CASZ1: variants seen among roughly 807,000 people sequenced by gnomAD.
CASZ1 encodes zinc finger protein castor homolog 1.
A neutral mutation model predicts 135.2 loss-of-function variants in CASZ1; 28 were observed. The ratio of observed to expected loss-of-function variants is 0.21; its 90% CI spans 0.15 to 0.28. The LOEUF (loss-of-function observed/expected upper bound fraction) is 0.28. CASZ1 is among the 10% of genes least tolerant of loss of function. The pLI, the probability that CASZ1 is intolerant of heterozygous loss-of-function variation, is 1.00. For missense variants in CASZ1, 2,161 were observed against 2,453.3 expected, an observed-to-expected ratio of 0.88 and a Z score of 2.52; for synonymous variants, 1,068 against 1,073.4, an observed-to-expected ratio of 0.99 and a Z score of 0.10.
chr1:10,674,602 G>A (rs1265369219), intron 4 of CASZ1, among the ~76,000 whole-genome samples: 3 of 152,264 alleles, frequency 2.0e-5, no homozygotes, highest in Admixed American at 1.3e-4. Flanking sequence ...AGGGGATGAT[G>A]TGGGCACACG....
intron 4 of CASZ1, among the ~76,000 whole-genome samples, chr1:10,669,860 C>A (rs937546833): frequency 1.2e-4 from 18 of 152,216 alleles, no homozygotes; most frequent in Admixed American, 8.5e-4. Context: ...CCTGTCAGCT[C>A]CCAGGCTCCG....
At chr1:10,704,744 C>T (rs1261995546) in intron 3 of CASZ1, among the ~76,000 whole-genome samples, 2 of 152,262 alleles carry the variant, frequency 1.3e-5, no homozygotes, top group East Asian at 1.9e-4. Context: ...GCCCGCCGGG[C>T]AGGCCCCGCT....
In CASZ1 at chr1:10,647,772, C is replaced by A. The variant is rs780356189; in HGVS notation, c.3497+29G>T. On this transcript the variant is annotated intron_variant, in intron 16 of 20. Coordinates refer to ENST00000377022, the MANE Select transcript of CASZ1 (RefSeq NM_001079843.3). This position sits in a 1 kb window ranked among gnomAD's most constrained non-coding sequence, Gnocchi z 4.9. ...CTACTCCCGAGACGCGAGGGGAACGCGGGACTCCCGGCTCATCGAGGGACT... is the reference window on the plus strand; with the variant it reads ...CTACTCCCGAGACGCGAGGGGAACGAGGGACTCCCGGCTCATCGAGGGACT... The A allele has an allele frequency of 9.3e-6, 15 of 1,612,064 alleles. No individual in the cohort carries two copies. Among genetic ancestry groups the A allele is most frequent in the Middle Eastern group, 1.7e-4 (1 of 5,962 alleles).
intron 2 of CASZ1, among the ~76,000 whole-genome samples, chr1:10,744,850 A>G (rs1264345334): frequency 1.3e-5 from 2 of 152,098 alleles, no homozygotes; most frequent in African/African-American, 4.8e-5. Flanking sequence ...GAGAGCCGTG[A>G]CCTCACCAGA....
chr1:10,645,994 C>A lies in CASZ1; in HGVS notation c.3696+134G>T, dbSNP rs560457899. 2,222 of 854,746 alleles carry A rather than the reference C, an allele frequency of 2.6e-3. 8 individuals are homozygous for A. The highest frequency in any genetic ancestry group is 3.4e-3 in the Non-Finnish European group (1,788 of 530,430). 52.9% of individuals were successfully genotyped at this position (854,746 alleles called of 1,614,324 possible). On this transcript the variant is annotated intron_variant, in intron 17 of 20. Transcript: ENST00000377022. ...GGGCAGATGGTGCTCTTTCCAGAGTCCGGGAGGCCCATTTAAATAAGCAAG... is the reference window on the plus strand; with the variant it reads ...GGGCAGATGGTGCTCTTTCCAGAGTACGGGAGGCCCATTTAAATAAGCAAG...
chr1:10,791,265 A>G (rs1640951278), intron 1 of CASZ1, among the ~76,000 whole-genome samples: 1 of 152,220 alleles, frequency 6.6e-6, no homozygotes, highest in African/African-American at 2.4e-5. Flanking sequence ...TTTCCTGGAA[A>G]AAGCACTTGA....
chr1:10,683,323 A>G (rs1638486136), intron 4 of CASZ1, among the ~76,000 whole-genome samples: 1 of 152,126 alleles, frequency 6.6e-6, no homozygotes, highest in African/African-American at 2.4e-5. Flanking sequence ...CTCTCAGATT[A>G]CAACCAAGCA....
At chr1:10,648,892 G>C in intron 15 of CASZ1, 178 bp downstream of exon 15, 1 of 816,110 alleles carries the variant, frequency 1.2e-6, no homozygotes, top group Non-Finnish European at 1.9e-6. Context: ...CCCCGGCTGA[G>C]GGCTGCATGT....
Position 10,773,126 on chromosome 1 carries a change from C to T in CASZ1, c.-233-12269G>A, listed in dbSNP as rs1640604342. 2.0e-5 allele frequency among the ~76,000 whole-genome samples: 3 copies of T among 152,110 alleles called. 1 individual carries two copies. In the South Asian group the frequency reaches 6.2e-4, roughly 32 times the overall value. ...CCCAGACCCAAGCCCACGACAGATC[C>T]TGCTGGGTACAGCTTCAATCAGAAA... On this transcript the variant is annotated intron_variant, in intron 1 of 20. Transcript: ENST00000377022.
At position 10,697,945 on chromosome 1, in the gene CASZ1, G is replaced by A. The variant is rs757276818; in HGVS notation, c.-23-4033C>T. Among the ~76,000 whole-genome samples, 6 of 152,244 alleles carry A rather than the reference G, an allele frequency of 3.9e-5. No individual in the cohort carries two copies. Among genetic ancestry groups the A allele is most frequent in the Non-Finnish European group, 5.9e-5 (4 of 68,052 alleles). ...GGTGTCGGGAAAGCTGTGAGCCAGC[G>A]AAGTGGACGGGAAGCATGGGGGCCG... On this transcript the variant is annotated intron_variant, in intron 3 of 20. Coordinates refer to ENST00000377022, the MANE Select transcript of CASZ1 (RefSeq NM_001079843.3). The surrounding 1 kb of genome is among the most constrained non-coding windows in gnomAD (Gnocchi z 4.7).
At chr1:10,683,709 C>T (rs1025335807) in intron 4 of CASZ1, among the ~76,000 whole-genome samples, 3 of 152,174 alleles carry the variant, frequency 2.0e-5, no homozygotes, top group Non-Finnish European at 4.4e-5. Context: ...CCACCTGCAA[C>T]CCTCCCCTGC....
At chr1:10,671,700 G>T (rs1643404748) in intron 4 of CASZ1, among the ~76,000 whole-genome samples, 1 of 152,218 alleles carries the variant, frequency 6.6e-6, no homozygotes, top group South Asian at 2.1e-4. Flanking sequence ...GAGGCAGGAG[G>T]CTGTAAGCTG....
chr1:10,709,357 G>A lies in CASZ1; in HGVS notation c.-76-3813C>T, dbSNP rs1034748430. On this transcript the variant is annotated intron_variant, in intron 2 of 20. Transcript: ENST00000377022. The surrounding 1 kb of genome is among the most constrained non-coding windows in gnomAD (Gnocchi z 5.1). ...CTCCCTGGCCAGCCCTTTCACAGGG[G>A]CTGGGGCCATGTCAGCCCGGCAGTG... Among the ~76,000 whole-genome samples, 1 of 152,148 alleles carries A rather than the reference G, an allele frequency of 6.6e-6. No homozygotes were observed. The highest frequency in any genetic ancestry group is 2.1e-4 in the South Asian group (1 of 4,832).
intron 1 of CASZ1, among the ~76,000 whole-genome samples, chr1:10,771,293 A>T (rs1177274417): frequency 6.6e-6 from 1 of 152,108 alleles, no homozygotes; most frequent in Non-Finnish European, 1.5e-5. Context: ...TGGCGGCAGG[A>T]TAAATGTCCT....
intron 5 of CASZ1, chr1:10,660,852 T>C: frequency 2.7e-6 from 1 of 372,832 alleles, no homozygotes; most frequent in Non-Finnish European, 4.9e-6. Context: ...CTCTCTCGCC[T>C]TGGCCTAATA....
intron 1 of CASZ1, among the ~76,000 whole-genome samples, chr1:10,769,010 G>A (rs1640527648): frequency 2.0e-5 from 3 of 152,152 alleles, no homozygotes; most frequent in African/African-American, 4.8e-5. Context: ...GTGTGGTGGC[G>A]GCGTCTGTAA....
chr1:10,702,547 C>T (rs924432053), intron 3 of CASZ1, among the ~76,000 whole-genome samples: 1 of 152,202 alleles, frequency 6.6e-6, no homozygotes, highest in Non-Finnish European at 1.5e-5. Context: ...GGGCAGAAGG[C>T]CAAGCCAAGA....
rs1437173884 is a variant in CASZ1 at position 10,642,726 on chromosome 1, T to A, written c.4162+133A>T. The A allele has an allele frequency of 3.1e-6, 3 of 970,450 alleles. No homozygotes were observed. The East Asian group carries it at 7.9e-5, about 26-fold the overall frequency. The allele number at this position is 970,450 out of a possible 1,614,324, so 60.1% of individuals were successfully genotyped here. A position where few individuals can be genotyped will look rare whatever the true frequency, so the allele number is the denominator to read the frequency against. ...CGATGACCCAGTCCCACAGACCAGC[T>A]GGCTCTGCTGCACGCCAGCCTGTCC... is the stretch of plus-strand genomic sequence containing the variant. On this transcript the variant is annotated intron_variant, in intron 20 of 20. Coordinates refer to ENST00000377022, the MANE Select transcript of CASZ1 (RefSeq NM_001079843.3).
rs1033350828 is a variant in CASZ1, at chr1:10,721,496, C to G, written c.-76-15952G>C. Among the ~76,000 whole-genome samples, 4 of 152,202 alleles carry G rather than the reference C, an allele frequency of 2.6e-5. No individual in the cohort carries two copies. The highest frequency in any genetic ancestry group is 4.4e-5 in the Non-Finnish European group (3 of 68,036). ...GCTGTGACTGATTGTCACATATCAT[C>G]ATTTTCATAGGATCTCCTCCATTCC... On this transcript the variant is annotated intron_variant, in intron 2 of 20. Coordinates refer to ENST00000377022, the MANE Select transcript of CASZ1 (RefSeq NM_001079843.3). This position sits in a 1 kb window ranked among gnomAD's most constrained non-coding sequence, Gnocchi z 5.4.
Sources: gnomAD v4.1 joint callset for allele counts (sites outside exome capture counted in the v4.1 genomes callset) on GRCh38, gnomAD v4.1.1 for gene constraint, Gnocchi (gnomAD v3.1) non-coding constraint, MANE v1.5 for transcripts, NCBI Gene and HGNC (gene_info 2026-07-23, HGNC 2026-07-21) for gene names.